The following FAR2 variants were observed in gnomAD, a reference collection of about 807,000 sequenced individuals.
FAR2 encodes epididymis secretory protein Li 81.
A neutral mutation model predicts 56.0 loss-of-function variants in FAR2; 19 were observed. That is an observed-to-expected ratio of 0.34 (90% CI 0.24 to 0.50). FAR2 has a LOEUF of 0.50. Among genes scored for constraint, FAR2 ranks in the 20% least tolerant of loss-of-function variants. The probability of loss-of-function intolerance (pLI) is 0.98; values close to 1 mark genes in which losing one functional copy is unlikely to be tolerated. For missense variants in FAR2, 508 were observed against 642.2 expected (o/e 0.79, Z 2.26); for synonymous variants, 219 against 218.8 (o/e 1.00, Z -0.01).
intron 1 of FAR2, among the ~76,000 whole-genome samples, chr12:29,245,484 G>A (rs1948113696): frequency 6.6e-6 from 1 of 152,110 alleles, no homozygotes; most frequent in African/African-American, 2.4e-5. Context: ...TTGGGCTTGG[G>A]GGGTCTCCAA....
chr12:29,159,354 T>C (rs1442734322), intron 1 of FAR2, among the ~76,000 whole-genome samples: 3 of 151,890 alleles, frequency 2.0e-5, no homozygotes, highest in East Asian at 1.9e-4. Context: ...CAGGCTAACA[T>C]GGTGAAACCC....
Position 29,332,650 on chromosome 12 carries a change from T to C in FAR2, c.1308T>C (p.Asn436=). 1 of 1,613,796 alleles carries C rather than the reference T, an allele frequency of 6.2e-7. No individual in the cohort carries two copies. Among genetic ancestry groups the C allele is most frequent in the East Asian group, 2.2e-5 (1 of 44,862 alleles). The stretch of plus-strand genomic sequence containing the variant: ...TGAACTGGTTGGAATACATTGAAAA[T>C]TATGTTTTGGGAGTTAAAAAATACT... ...RQLNWLEYIE[N]YVLGVKKYLL... is the part of the protein sequence containing the mutation. The change falls in exon 11 of 12, where the codon AAT becomes AAC. Residue 436 remains asparagine, a synonymous_variant. Transcript: ENST00000536681.
At chr12:29,197,679 A>T (rs1346101898) in intron 1 of FAR2, among the ~76,000 whole-genome samples, 1 of 152,200 alleles carries the variant, frequency 6.6e-6, no homozygotes, top group East Asian at 1.9e-4. Flanking sequence ...ATATTTTTTA[A>T]ATATCTATAA....
At chr12:29,246,352 T>C (rs1221674107) in intron 1 of FAR2, among the ~76,000 whole-genome samples, 1 of 152,206 alleles carries the variant, frequency 6.6e-6, no homozygotes, top group Non-Finnish European at 1.5e-5. Flanking sequence ...TTTGAAAAGA[T>C]ATCTCAACAT....
chr12:29,244,702 C>T (rs1948096955), intron 1 of FAR2, among the ~76,000 whole-genome samples: 1 of 152,120 alleles, frequency 6.6e-6, no homozygotes, highest in Non-Finnish European at 1.5e-5. Flanking sequence ...CCTAAAGAAC[C>T]CAAGCATATG....
intron 1 of FAR2, among the ~76,000 whole-genome samples, chr12:29,253,243 A>ATCTATCGATATC (rs1948248968): frequency 1.3e-5 from 1 of 79,334 alleles, no homozygotes; most frequent in African/African-American, 9.1e-5. Context: ...ATAGATATCT[A>ATCTATCGATATC]TATATCGATA....
intron 1 of FAR2, among the ~76,000 whole-genome samples, chr12:29,167,923 T>C (rs1446443223): frequency 1.3e-5 from 2 of 152,218 alleles, no homozygotes; most frequent in African/African-American, 4.8e-5. Flanking sequence ...AGGATAGTGA[T>C]GGGAATTGTG....
intron 1 of FAR2, among the ~76,000 whole-genome samples, chr12:29,270,149 G>C (rs1001240475): frequency 1.3e-5 from 2 of 152,192 alleles, no homozygotes; most frequent in Non-Finnish European, 2.9e-5. Flanking sequence ...TCCTCCATTA[G>C]ACTGCAAGCA....
At chr12:29,333,434 T>C (rs1949759503) in intron 11 of FAR2, 198 bp from the exon 12 acceptor site, 1 of 531,332 alleles carries the variant, frequency 1.9e-6, no homozygotes, top group Non-Finnish European at 3.3e-6. Context: ...ATTAGGGAAA[T>C]ATGGTAGAAA....
At chr12:29,205,770 C>T (rs2136622203) in intron 1 of FAR2, among the ~76,000 whole-genome samples, 1 of 152,070 alleles carries the variant, frequency 6.6e-6, no homozygotes, top group East Asian at 1.9e-4. Context: ...AACTATGTCA[C>T]ACAGCTGAAT....
At chr12:29,169,715 G>A (rs1405840994) in intron 1 of FAR2, among the ~76,000 whole-genome samples, 1 of 152,236 alleles carries the variant, frequency 6.6e-6, no homozygotes, top group African/African-American at 2.4e-5. Flanking sequence ...TGCTGCCAAA[G>A]AGTCTATTTG....
At chr12:29,323,860 G>A (rs555892516) in intron 10 of FAR2, among the ~76,000 whole-genome samples, 13 of 152,308 alleles carry the variant, frequency 8.5e-5, no homozygotes, top group Non-Finnish European at 1.0e-4. Context: ...CCAAAGGAAC[G>A]CAGCTCCTCA....
chr12:29,192,204 G>T (rs1347723134), intron 1 of FAR2, among the ~76,000 whole-genome samples: 10 of 152,162 alleles, frequency 6.6e-5, no homozygotes, highest in African/African-American at 2.4e-4. Flanking sequence ...ACACCACAGT[G>T]AATAATTCTC....
chr12:29,250,247 A>T (rs1032504918), intron 1 of FAR2, among the ~76,000 whole-genome samples: 11 of 152,192 alleles, frequency 7.2e-5, no homozygotes, highest in African/African-American at 1.9e-4. Context: ...AGGTAGTTAG[A>T]TCCAGGAGCA....
Position 29,307,838 on chromosome 12 carries a change from A to G in FAR2, c.723+3A>G, listed in dbSNP as rs757493782. ...CAACTTGGCAGGAGCCTTTCCCAGT[A>G]AGCCCACTTACCTGGATTCTGTGTT... On this transcript the variant is annotated splice_donor_region_variant and intron_variant, in intron 5 of 11. Transcript: ENST00000536681. 1 of 1,608,028 alleles carries G rather than the reference A, an allele frequency of 6.2e-7. No homozygotes were observed. Among genetic ancestry groups the G allele is most frequent in the East Asian group, 2.2e-5 (1 of 44,816 alleles).
rs1247476106 is a variant in FAR2, at chr12:29,328,747, TG to T, written c.1258-3847del. ...TCACACACCGGGGCCTGTTGTGGAG[TG>T]GGGGGAGGGGGGAGGGATAGCATTA... On this transcript the variant is annotated intron_variant, in intron 10 of 11. Transcript: ENST00000536681. Among the ~76,000 whole-genome samples the T allele has an allele frequency of 2.1e-4, 3 of 14,546 alleles. No individual in the cohort carries two copies. In the East Asian group the frequency reaches 5.8e-3, roughly 28 times the overall value. 9.5% of individuals were successfully genotyped at this position (14,546 alleles called of 152,430 possible).
intron 9 of FAR2, among the ~76,000 whole-genome samples, chr12:29,319,189 C>T (rs1337083542): frequency 2.0e-5 from 3 of 151,970 alleles, no homozygotes; most frequent in Non-Finnish European, 2.9e-5. Flanking sequence ...TGGGGTTTCA[C>T]GATCTTGACC....
intron 2 of FAR2, among the ~76,000 whole-genome samples, chr12:29,284,564 C>T (rs1290686510): frequency 2.6e-5 from 4 of 152,044 alleles, no homozygotes; most frequent in African/African-American, 4.8e-5. Flanking sequence ...TGATAAATCA[C>T]GCAGGGTTAC....
chr12:29,202,611 G>T (rs1032276421), intron 1 of FAR2, among the ~76,000 whole-genome samples: 1 of 152,196 alleles, frequency 6.6e-6, no homozygotes, highest in African/African-American at 2.4e-5. Flanking sequence ...TTTGGGTCAT[G>T]GGGGCGGATC....
Sources: allele counts gnomAD v4.1 joint callset (sites outside exome capture counted in the v4.1 genomes callset), GRCh38; gene constraint gnomAD v4.1.1; transcripts MANE v1.5; gene names NCBI Gene and HGNC (gene_info 2026-07-23, HGNC 2026-07-21).